The following HDLBP variants were observed in gnomAD, a reference collection of about 807,000 sequenced individuals.
HDLBP encodes vigilin.
In HDLBP, 30 loss-of-function variants were observed where a neutral mutation model predicts 137.3. The ratio of observed to expected loss-of-function variants is 0.22; its 90% CI spans 0.16 to 0.30. The LOEUF is 0.30. Ranked by LOEUF, HDLBP falls within the 10% of genes least tolerant of loss-of-function variation. The pLI, the probability that HDLBP is intolerant of heterozygous loss-of-function variation, is 1.00. For missense variants in HDLBP, 1,119 were observed against 1,667.3 expected, an observed-to-expected ratio of 0.67 and a Z score of 5.73; for synonymous variants, 606 against 596.0, an observed-to-expected ratio of 1.02 and a Z score of -0.24.
chr2:241,268,568 G>C (rs565481515), intron 1 of HDLBP, 27 bp from the exon 2 acceptor site: 1 of 883,144 alleles, frequency 1.1e-6, no homozygotes, highest in East Asian at 1.2e-4. Flanking sequence ...AGTGGGAGAG[G>C]AGAGAGAGGA....
chr2:241,254,923 A>G, intron 9 of HDLBP, 128 bp downstream of exon 9: 1 of 737,434 alleles, frequency 1.4e-6, no homozygotes, highest in Non-Finnish European at 2.4e-6. Flanking sequence ...CAAACAGGCC[A>G]GTTAATTCAG....
At chr2:241,249,719 T>G in intron 12 of HDLBP, 122 bp downstream of exon 12, 1 of 949,336 alleles carries the variant, frequency 1.1e-6, no homozygotes, top group African/African-American at 1.6e-5. Flanking sequence ...CCGGTTCCAG[T>G]GCAACGTGGG....
intron 1 of HDLBP, among the ~76,000 whole-genome samples, chr2:241,300,522 G>A (rs1443311696): frequency 6.6e-6 from 1 of 152,192 alleles, no homozygotes; most frequent in Admixed American, 6.5e-5. Flanking sequence ...ACAAGCATAA[G>A]TACATACTGG....
intron 1 of HDLBP, among the ~76,000 whole-genome samples, chr2:241,292,342 C>G (rs1278540155): frequency 2.0e-5 from 3 of 152,068 alleles, no homozygotes; most frequent in Non-Finnish European, 4.4e-5. Context: ...ACCCTATTGC[C>G]TTCATAAATA....
In HDLBP at chr2:241,253,434, T is replaced by G. The variant is rs568215896; in HGVS notation, c.1252A>C (p.Asn418His). Residue 418 changes from asparagine to histidine, a missense_variant, in exon 10 of 28, where the codon AAT becomes CAT. Around this residue, in one of 4 missense-constraint regions of HDLBP, gnomAD observed 425 missense variants for 693.9 expected, o/e 0.61. Transcript: ENST00000310931. ...ITLEGPTEDV[N>H]VAQEQIEGMV... ...CCTTCTATCTGTTCCTGGGCCACATTGACATCCTCTGTAGGGCCCTCCAGG... is the reference window on the plus strand; with the variant it reads ...CCTTCTATCTGTTCCTGGGCCACATGGACATCCTCTGTAGGGCCCTCCAGG... 1.9e-6 allele frequency: 3 copies of G among 1,613,420 alleles called. No individual in the cohort carries two copies. Among genetic ancestry groups the G allele is most frequent in the Admixed American group, 3.3e-5 (2 of 60,034 alleles).
chr2:241,300,298 C>T (rs2075348532), intron 1 of HDLBP, among the ~76,000 whole-genome samples: 1 of 152,172 alleles, frequency 6.6e-6, no homozygotes, highest in African/African-American at 2.4e-5. Context: ...CAGTCGTACA[C>T]TGCCCTAAAA....
intron 1 of HDLBP, among the ~76,000 whole-genome samples, chr2:241,291,903 A>G (rs1265907049): frequency 1.3e-5 from 2 of 152,068 alleles, no homozygotes; most frequent in Non-Finnish European, 2.9e-5. Flanking sequence ...GGAAGCAGAT[A>G]CTCTCCAGAG....
chr2:241,246,396 A>C (rs1010690320), intron 16 of HDLBP, among the ~76,000 whole-genome samples: 2 of 152,192 alleles, frequency 1.3e-5, no homozygotes, highest in South Asian at 2.1e-4. Flanking sequence ...ACACGTCAAA[A>C]CTATTACATT....
intron 5 of HDLBP, among the ~76,000 whole-genome samples, chr2:241,258,130 G>T (rs2072845923): frequency 2.0e-5 from 3 of 151,886 alleles, no homozygotes; most frequent in Non-Finnish European, 4.4e-5. Context: ...CAGGCGCAGT[G>T]GCTCACGCCT....
intron 1 of HDLBP, among the ~76,000 whole-genome samples, chr2:241,299,375 G>A (rs1279220812): frequency 6.6e-6 from 1 of 151,622 alleles, no homozygotes; most frequent in Non-Finnish European, 1.5e-5. Context: ...AAATTAGCCA[G>A]GCATGGTGGC....
chr2:241,258,216 A>T (rs530372886), intron 5 of HDLBP, among the ~76,000 whole-genome samples: 1 of 151,974 alleles, frequency 6.6e-6, no homozygotes, highest in Non-Finnish European at 1.5e-5. Flanking sequence ...GCATGGTGGC[A>T]GGCGCCTGTA....
intron 1 of HDLBP, among the ~76,000 whole-genome samples, chr2:241,276,703 C>G (rs1052410262): frequency 2.6e-5 from 4 of 152,042 alleles, no homozygotes; most frequent in Admixed American, 6.5e-5. Context: ...GGATAAAAAT[C>G]ATTATTAAGA....
intron 1 of HDLBP, among the ~76,000 whole-genome samples, chr2:241,309,765 A>C (rs2075707435): frequency 6.6e-6 from 1 of 152,210 alleles, no homozygotes; most frequent in South Asian, 2.1e-4. Context: ...GTTACAGAGG[A>C]GGGAAACAAT....
At chr2:241,304,516 G>GC (rs1315706830) in intron 1 of HDLBP, among the ~76,000 whole-genome samples, 2 of 152,262 alleles carry the variant, frequency 1.3e-5, no homozygotes, top group African/African-American at 4.8e-5. Flanking sequence ...GCAGGTTACT[G>GC]CAGAGATAGG....
intron 1 of HDLBP, among the ~76,000 whole-genome samples, chr2:241,300,555 G>A (rs191974565): frequency 6.6e-6 from 1 of 152,306 alleles, no homozygotes; most frequent in South Asian, 2.1e-4. Context: ...CTAAGAAGAA[G>A]AATCCTAATG....
At chr2:241,234,033 A>T (rs186719852) in intron 23 of HDLBP, 70 bp from the exon 24 acceptor site, 1 of 1,564,382 alleles carries the variant, frequency 6.4e-7, no homozygotes, top group Non-Finnish European at 8.8e-7. Flanking sequence ...TTCCCCTTCC[A>T]CCCTGGTCAT....
At position 241,238,122 on chromosome 2, in the gene HDLBP, G is replaced by A. The variant is rs139362217; in HGVS notation, c.2749+527C>T. ...CAAGTGAGAGAGAGGCAACCGACCCGCATCCCACAGGTCGCCTCCCCACCA... is the reference window on the plus strand; with the variant it reads ...CAAGTGAGAGAGAGGCAACCGACCCACATCCCACAGGTCGCCTCCCCACCA... On this transcript the variant is annotated intron_variant, in intron 20 of 27. Coordinates refer to ENST00000310931, the MANE Select transcript of HDLBP (RefSeq NM_005336.6). The surrounding 1 kb of genome is among the most constrained non-coding windows in gnomAD (Gnocchi z 4.9). Among the ~76,000 whole-genome samples the A allele has an allele frequency of 5.5e-3, 837 of 152,340 alleles. 11 individuals are homozygous for A. Among genetic ancestry groups the A allele is most frequent in the African/African-American group, 0.018 (766 of 41,578 alleles).
chr2:241,285,701 AC>A (rs2074780973), intron 1 of HDLBP, among the ~76,000 whole-genome samples: 1 of 152,232 alleles, frequency 6.6e-6, no homozygotes, highest in Non-Finnish European at 1.5e-5. Flanking sequence ...TATTAAATTT[AC>A]CACACTGAAA....
chr2:241,272,482 C>G lies in HDLBP; in HGVS notation c.-102-3941G>C. 2.0e-6 allele frequency: 2 copies of G among 984,552 alleles called. No individual in the cohort carries two copies. The highest frequency in any genetic ancestry group is 2.4e-6 in the Non-Finnish European group (2 of 829,644). The allele number at this position is 984,552 out of a possible 1,614,324, so 61.0% of individuals were successfully genotyped here. On this transcript the variant is annotated intron_variant, in intron 1 of 27. Transcript: ENST00000310931. The surrounding 1 kb of genome is among the most constrained non-coding windows in gnomAD (Gnocchi z 5.6). ...GCCAAGAGCGGCCCAGCGGCGCCAC[C>G]GGACTTGAGAAAGTTTGTGCGCGCC... is the stretch of plus-strand genomic sequence containing the variant.
Sources: gnomAD v4.1 joint callset for allele counts (sites outside exome capture counted in the v4.1 genomes callset) on GRCh38, gnomAD v4.1.1 for gene constraint, gnomAD v4.1.1 regional missense constraint, Gnocchi (gnomAD v3.1) non-coding constraint, MANE v1.5 for transcripts, NCBI Gene and HGNC (gene_info 2026-07-23, HGNC 2026-07-21) for gene names.